Variants in ZBBX observed in about 807,000 individuals in gnomAD.
The protein encoded by ZBBX is zinc finger B-box domain-containing protein 1.
Under a neutral mutation model 108.5 loss-of-function variants are expected in ZBBX, and 101 were observed. The ratio of observed to expected loss-of-function variants is 0.93; its 90% CI spans 0.79 to 1.10. ZBBX has a LOEUF of 1.10. ZBBX is among the 50% of genes least tolerant of loss of function. The pLI is 0.00. For synonymous variants in ZBBX, 356 were observed against 323.4 expected, an observed-to-expected ratio of 1.10 and a Z score of -1.08; for missense variants, 1,009 against 941.4, an observed-to-expected ratio of 1.07 and a Z score of -0.94.
At chr3:167,194,552 T>C in the ZBBX span, among the ~76,000 whole-genome samples, 309 of 152,304 alleles carry the variant, frequency 2.0e-3, no homozygotes, top group Middle Eastern at 6.8e-3. Context: ...GTGAGAAGTA[T>C]GTAAAACTGA....
rs1189151716 is a variant in ZBBX at position 167,350,495 on chromosome 3, T to C, written c.453A>G (p.Glu151=). The change falls in exon 9 of 22, where the codon GAA becomes GAG. Residue 151 remains glutamate (E), a synonymous_variant. Coordinates refer to ENST00000675490, the MANE Select transcript of ZBBX (RefSeq NM_001199201.2). ...AALLVCLECG[E]DYCSGCFAKV... is the part of the protein sequence containing the mutation. ...TAGCAAAGCATCCTGAACAATAATC[T>C]TCTCCACATTCAAGGCATACCTAAA... 1 of 1,588,348 alleles carries C rather than the reference T, an allele frequency of 6.3e-7. No homozygotes were observed. The highest frequency in any genetic ancestry group is 1.2e-5 in the South Asian group (1 of 86,088).
intron 17 of ZBBX, among the ~76,000 whole-genome samples, chr3:167,304,260 A>G (rs1376112229): frequency 1.3e-5 from 2 of 152,224 alleles, no homozygotes; most frequent in African/African-American, 4.8e-5. Context: ...TGGCAGGCTT[A>G]CTGCCCAGTG....
intron 8 of ZBBX, among the ~76,000 whole-genome samples, chr3:167,356,591 C>A (rs1388354337): frequency 6.6e-6 from 1 of 151,936 alleles, no homozygotes; most frequent in Non-Finnish European, 1.5e-5. Flanking sequence ...TGCTGCAGTA[C>A]CTTCAATGAT....
intron 11 of ZBBX, among the ~76,000 whole-genome samples, chr3:167,327,195 C>T (rs1737551785): frequency 6.7e-6 from 1 of 150,166 alleles, no homozygotes; most frequent in South Asian, 2.1e-4. Flanking sequence ...AATGAGAACG[C>T]AAATCAATTC....
At chr3:167,248,563 C>A in intron 20 of ZBBX, 1 of 451,854 alleles carries the variant, frequency 2.2e-6, no homozygotes, top group South Asian at 1.6e-5. Flanking sequence ...TTCGACAGGG[C>A]ACATTTGAGA....
At chr3:167,237,577 T>C (rs1720281461), downstream of ZBBX, among the ~76,000 whole-genome samples, 1 of 151,878 alleles carries the variant, frequency 6.6e-6, no homozygotes, top group African/African-American at 2.4e-5. Flanking sequence ...AGAGAACACA[T>C]TGAAGCTGCT....
chr3:167,365,065 T>C (rs995677135), intron 6 of ZBBX, among the ~76,000 whole-genome samples: 26 of 151,840 alleles, frequency 1.7e-4, no homozygotes, highest in African/African-American at 6.0e-4. Flanking sequence ...AGCCTGTTTC[T>C]AGTGAGATAA....
At chr3:167,363,072 T>C (rs1214929304) in intron 6 of ZBBX, among the ~76,000 whole-genome samples, 1 of 152,026 alleles carries the variant, frequency 6.6e-6, no homozygotes, top group Non-Finnish European at 1.5e-5. Context: ...TAAGCAGCAT[T>C]CTGAATAGCC....
At chr3:167,347,732 C>G (rs1224717636) in intron 9 of ZBBX, among the ~76,000 whole-genome samples, 1 of 151,940 alleles carries the variant, frequency 6.6e-6, no homozygotes, top group Non-Finnish European at 1.5e-5. Flanking sequence ...ATGCTCTTTG[C>G]TAAGTGCCAA....
the ZBBX span, among the ~76,000 whole-genome samples, chr3:167,216,222 A>G: frequency 6.6e-5 from 10 of 152,188 alleles, no homozygotes; most frequent in African/African-American, 2.2e-4. Context: ...CTATATCTAG[A>G]AAACCCCATA....
intron 11 of ZBBX, 138 bp downstream of exon 11, chr3:167,327,803 AC>A (rs1377710518): frequency 6.0e-6 from 5 of 837,132 alleles, no homozygotes; most frequent in Admixed American, 3.0e-5. Context: ...AATCCCAGCT[AC>A]TCAGAAGGCT....
the ZBBX span, among the ~76,000 whole-genome samples, chr3:167,208,754 A>G: frequency 6.6e-6 from 1 of 152,152 alleles, no homozygotes; most frequent in African/African-American, 2.4e-5. Flanking sequence ...ATAGCTGTGA[A>G]GAGAGTCTCC....
the ZBBX span, among the ~76,000 whole-genome samples, chr3:167,193,184 C>A: frequency 3.3e-5 from 5 of 152,094 alleles, no homozygotes; most frequent in African/African-American, 7.2e-5. Context: ...TAGGTTATTG[C>A]CTACATTTTG....
intron 20 of ZBBX, among the ~76,000 whole-genome samples, chr3:167,265,376 C>G (rs960810565): frequency 6.6e-6 from 1 of 152,150 alleles, no homozygotes; most frequent in Non-Finnish European, 1.5e-5. Flanking sequence ...GAAATATCAT[C>G]TAGGAGCTAG....
intron 18 of ZBBX, among the ~76,000 whole-genome samples, chr3:167,294,568 T>C (rs966972912): frequency 6.6e-6 from 1 of 152,112 alleles, no homozygotes; most frequent in East Asian, 1.9e-4. Context: ...AAGATTTAAA[T>C]GTAAGAACGA....
intron 20 of ZBBX, among the ~76,000 whole-genome samples, chr3:167,275,718 G>T (rs1384283402): frequency 6.6e-6 from 1 of 152,214 alleles, no homozygotes; most frequent in African/African-American, 2.4e-5. Flanking sequence ...GCCCGCCATT[G>T]CCCAGGCTTG....
At chr3:167,236,469 CATTT>C (rs1720235226), downstream of ZBBX, among the ~76,000 whole-genome samples, 1 of 151,762 alleles carries the variant, frequency 6.6e-6, no homozygotes, top group Non-Finnish European at 1.5e-5. Flanking sequence ...TTCATTACTT[CATTT>C]GATTTTCAAC....
At chr3:167,251,831 C>T (rs555893680) in intron 20 of ZBBX, among the ~76,000 whole-genome samples, 71 of 151,884 alleles carry the variant, frequency 4.7e-4, no homozygotes, top group African/African-American at 1.6e-3. Flanking sequence ...GTGGTGGTTT[C>T]GTTTCAAACC....
At chr3:167,249,589 C>T (rs1722212389) in intron 20 of ZBBX, among the ~76,000 whole-genome samples, 1 of 152,174 alleles carries the variant, frequency 6.6e-6, no homozygotes, top group Non-Finnish European at 1.5e-5. Flanking sequence ...GTCCAGGTCC[C>T]CTTCTCCGTA....
Sources: gnomAD v4.1 joint callset for allele counts (sites outside exome capture counted in the v4.1 genomes callset) on GRCh38, gnomAD v4.1.1 for gene constraint, MANE v1.5 for transcripts, NCBI Gene and HGNC (gene_info 2026-07-23, HGNC 2026-07-21) for gene names.